FHIP2B: variants seen among roughly 807,000 people sequenced by gnomAD.
The protein encoded by FHIP2B is FHF complex subunit HOOK interacting protein 2B, also known as FHF complex subunit HOOK-interacting protein 2B.
A neutral mutation model predicts 84.0 loss-of-function variants in FHIP2B; 72 were observed. The ratio of observed to expected loss-of-function variants is 0.86; its 90% CI spans 0.71 to 1.04. The LOEUF (loss-of-function observed/expected upper bound fraction) is 1.04, where lower values mean the gene tolerates loss of function less well. Among genes scored for constraint, FHIP2B ranks in the 50% least tolerant of loss-of-function variants. FHIP2B has a pLI of 0.00. For synonymous variants in FHIP2B, 497 were observed against 418.7 expected (o/e 1.19, Z -2.28); for missense variants, 972 against 968.9 (o/e 1.00, Z -0.04).
chr8:22,096,404 G>T lies in FHIP2B; in HGVS notation c.192G>T (p.Val64=). 1 of 1,558,412 alleles carries T rather than the reference G, an allele frequency of 6.4e-7. No homozygotes were observed. The highest frequency in any genetic ancestry group is 8.7e-7 in the Non-Finnish European group (1 of 1,151,030). The change falls in exon 3 of 17, where the codon GTG becomes GTT. Residue 64 remains valine (V), a synonymous_variant. Transcript: ENST00000289921. ...WRLKQMLDIL[V]YEEQQQAAAG... ...TGAAGCAGATGCTGGATATCCTGGT[G>T]TATGAAGAGCAGCAGCAGGCGGCCG...
At chr8:22,097,881 C>T (rs1201542596) in intron 5 of FHIP2B, 42 bp downstream of exon 5, 2 of 1,600,420 alleles carry the variant, frequency 1.2e-6, no homozygotes, top group East Asian at 2.2e-5. Context: ...GGGCCCAGAA[C>T]CCCAGGGCAA....
At chr8:22,101,106 C>G in intron 12 of FHIP2B, 134 bp downstream of exon 12, 2 of 1,231,206 alleles carry the variant, frequency 1.6e-6, no homozygotes, top group Non-Finnish European at 2.2e-6. Context: ...ACCTCCACCT[C>G]CCGGGTTCCG....
At chr8:22,093,507 C>G (rs763028197) in intron 1 of FHIP2B, among the ~76,000 whole-genome samples, 1 of 152,006 alleles carries the variant, frequency 6.6e-6, no homozygotes, top group African/African-American at 2.4e-5. Context: ...GAGGAGGAAA[C>G]GAGAACAGCA....
At chr8:22,101,646 G>T in intron 13 of FHIP2B, 62 bp from the exon 14 acceptor site, 1 of 1,564,084 alleles carries the variant, frequency 6.4e-7, no homozygotes, top group East Asian at 2.4e-5. Flanking sequence ...CTCCTGCGTG[G>T]GGCCCTGTCT....
In FHIP2B at chr8:22,098,275, C is replaced by T; in HGVS notation, c.733C>T (p.Leu245=). The stretch of plus-strand genomic sequence containing the variant: ...GGACGGTGGGACCACAGAGAGCAAC[C>T]TGATTACCTCCCTGCTTGGGCTGTG... ...ELDGGTTESN[L]ITSLLGLCQS... Residue 245 remains leucine, a synonymous_variant, in exon 6 of 17, where the codon CTG becomes TTG. Coordinates refer to ENST00000289921, the MANE Select transcript of FHIP2B (RefSeq NM_022749.7). 1 of 1,574,046 alleles carries T rather than the reference C, an allele frequency of 6.4e-7. No homozygotes were observed. The highest frequency in any genetic ancestry group is 8.6e-7 in the Non-Finnish European group (1 of 1,159,902).
intron 1 of FHIP2B, 136 bp downstream of exon 1, chr8:22,089,434 C>G (rs896413613): frequency 3.2e-5 from 11 of 348,076 alleles, no homozygotes; most frequent in Non-Finnish European, 4.4e-5. Context: ...CGGGCCGCGG[C>G]GCCCCTTCCT....
chr8:22,089,804 A>C (rs1825376580), intron 1 of FHIP2B: 7 of 1,283,958 alleles, frequency 5.5e-6, no homozygotes, highest in Non-Finnish European at 7.1e-6. Context: ...CCTTCCCGTC[A>C]CCCCGGGACG....
chr8:22,096,748 G>A (rs1825793451), intron 3 of FHIP2B: 2 of 501,678 alleles, frequency 4.0e-6, no homozygotes, highest in East Asian at 3.6e-5. Context: ...GGCGAGAGGA[G>A]CAAACAGGAC....
rs1825978920 is a variant in FHIP2B, at chr8:22,099,428, C to T, written c.1151+68C>T. ...AACCACCTACCCCACCCAGCCTCGT[C>T]CTGTCCCTAAGGCCAGACACCTTCT... is the stretch of plus-strand genomic sequence containing the variant. On this transcript the variant is annotated intron_variant, in intron 9 of 16. Transcript: ENST00000289921. 2.4e-5 allele frequency: 36 copies of T among 1,522,260 alleles called. No homozygotes were observed. In the South Asian group the frequency reaches 4.0e-4, roughly 17 times the overall value. 94.3% of individuals were successfully genotyped at this position (1,522,260 alleles called of 1,614,324 possible).
At chr8:22,101,409 G>A (rs1182887114) in intron 12 of FHIP2B, 31 bp from the exon 13 acceptor site, 1 of 1,541,734 alleles carries the variant, frequency 6.5e-7, no homozygotes. Context: ...GGTGAGCCGG[G>A]AGCGCCTCCA....
chr8:22,096,271 G>A (rs1251980920), intron 2 of FHIP2B, 66 bp from the exon 3 acceptor site: 1 of 1,432,560 alleles, frequency 7.0e-7, no homozygotes, highest in East Asian at 2.6e-5. Flanking sequence ...GGCAGGAGAG[G>A]GTGAAGTTTT....
intron 1 of FHIP2B, chr8:22,089,637 C>T (rs902007695): frequency 8.3e-5 from 41 of 491,746 alleles, no homozygotes; most frequent in Non-Finnish European, 1.3e-4. Flanking sequence ...TGTTTCCTGC[C>T]CCCCGGGGCC....
At position 22,097,456 on chromosome 8, in the gene FHIP2B, C is replaced by T. The variant is rs541168565; in HGVS notation, c.298-60C>T. 98 of 1,484,626 alleles carry T rather than the reference C, an allele frequency of 6.6e-5. No homozygotes were observed. In the African/African-American group the frequency reaches 7.6e-4, roughly 12 times the overall value. 92.0% of individuals were successfully genotyped at this position (1,484,626 alleles called of 1,614,324 possible). A position where few individuals can be genotyped will look rare whatever the true frequency, so the allele number is the denominator to read the frequency against. On this transcript the variant is annotated intron_variant, in intron 3 of 16. Coordinates refer to ENST00000289921, the MANE Select transcript of FHIP2B (RefSeq NM_022749.7). ...GCGCTCTGTCCCTGGCCTCAGTACCCGCCAGGCATGCGGCAGGCAGGGGAC... is the reference window on the plus strand; with the variant it reads ...GCGCTCTGTCCCTGGCCTCAGTACCTGCCAGGCATGCGGCAGGCAGGGGAC...
Position 22,089,231 on chromosome 8 carries a change from G to A in FHIP2B, c.-23G>A. Reference sequence around the variant, plus strand: ...GCGCTGCCGCCGCCGCTTTCGCCCGGGAGCCGGGGGCCGGGCGCCATCATG... The same window carrying A: ...GCGCTGCCGCCGCCGCTTTCGCCCGAGAGCCGGGGGCCGGGCGCCATCATG... On this transcript the variant is annotated 5_prime_UTR_variant, in exon 1 of 17. Transcript: ENST00000289921. 9.4e-7 allele frequency: 1 copy of A among 1,060,782 alleles called. No individual in the cohort carries two copies. Among genetic ancestry groups the A allele is most frequent in the African/African-American group, 1.7e-5 (1 of 58,718 alleles). The allele number at this position is 1,060,782 out of a possible 1,614,324, so 65.7% of individuals were successfully genotyped here. A position where few individuals can be genotyped will look rare whatever the true frequency, so the allele number is the denominator to read the frequency against.
At chr8:22,093,774 C>T (rs1416926423) in intron 1 of FHIP2B, among the ~76,000 whole-genome samples, 1 of 118,812 alleles carries the variant, frequency 8.4e-6, no homozygotes, top group African/African-American at 3.3e-5. Context: ...TGGAGTGCAG[C>T]GCTGCGATCA....
At position 22,103,294 on chromosome 8, in the gene FHIP2B, G is replaced by A; in HGVS notation, c.*363G>A. On this transcript the variant is annotated 3_prime_UTR_variant, in exon 17 of 17. Coordinates refer to ENST00000289921, the MANE Select transcript of FHIP2B (RefSeq NM_022749.7). ...GACTCAACTCCAGGGGCAAGATGGG[G>A]AGTGAGCTGATGGCTCCGAGACTGG... 1 of 230,720 alleles carries A rather than the reference G, an allele frequency of 4.3e-6. No homozygotes were observed. The highest frequency in any genetic ancestry group is 8.0e-5 in the South Asian group (1 of 12,572). 14.3% of individuals were successfully genotyped at this position (230,720 alleles called of 1,614,324 possible). A position where few individuals can be genotyped will look rare whatever the true frequency, so the allele number is the denominator to read the frequency against.
At position 22,104,466 on chromosome 8, in the gene FHIP2B, A is replaced by T. The variant is rs1826292411; in HGVS notation, c.*1535A>T. 6.6e-6 allele frequency: 1 copy of T among 152,394 alleles called. No homozygotes were observed. Among genetic ancestry groups the T allele is most frequent in the South Asian group, 2.1e-4 (1 of 4,834 alleles). 9.4% of individuals were successfully genotyped at this position (152,394 alleles called of 1,614,324 possible). On this transcript the variant is annotated 3_prime_UTR_variant, in exon 17 of 17. Coordinates refer to ENST00000289921, the MANE Select transcript of FHIP2B (RefSeq NM_022749.7). ...TCGGGCCCATCTTCCTCCCCAAGGAAGACAAATTCTTTTTCTAGCGCTGCA... is the reference window on the plus strand; with the variant it reads ...TCGGGCCCATCTTCCTCCCCAAGGATGACAAATTCTTTTTCTAGCGCTGCA...
At chr8:22,101,341 C>A in intron 12 of FHIP2B, 99 bp from the exon 13 acceptor site, 2 of 721,232 alleles carry the variant, frequency 2.8e-6, no homozygotes, top group Non-Finnish European at 2.2e-6. Context: ...ACTCTTTGGC[C>A]ACAGCCCTGG....
rs1825917938 is a variant in FHIP2B, at chr8:22,098,500, C to T, written c.846C>T (p.Tyr282=). 6.8e-6 allele frequency: 11 copies of T among 1,613,290 alleles called. No individual in the cohort carries two copies. The highest frequency in any genetic ancestry group is 8.5e-6 in the Non-Finnish European group (10 of 1,179,786). Reference sequence around the variant, plus strand: ...TGGCCTCCCCAGCAGCTGCCACCTACCTGGTACAGAGCAGCGCCTGCTGCC... The same window carrying T: ...TGGCCTCCCCAGCAGCTGCCACCTATCTGGTACAGAGCAGCGCCTGCTGCC... ...VSMASPAAAT[Y]LVQSSACCPA... The change falls in exon 7 of 17, where the codon TAC becomes TAT. Residue 282 remains tyrosine, a synonymous_variant. Transcript: ENST00000289921.
Sources: allele counts gnomAD v4.1 joint callset (sites outside exome capture counted in the v4.1 genomes callset), GRCh38; gene constraint gnomAD v4.1.1; transcripts MANE v1.5; gene names NCBI Gene and HGNC (gene_info 2026-07-23, HGNC 2026-07-21).